TGFBR2: variants seen among roughly 807,000 people sequenced by gnomAD.
TGFBR2 encodes transforming growth factor beta receptor 2.
A neutral mutation model predicts 49.0 loss-of-function variants in TGFBR2; 18 were observed. That is an observed-to-expected ratio of 0.37 (90% CI 0.25 to 0.54). The LOEUF is 0.54. TGFBR2 is among the 20% of genes least tolerant of loss of function. The pLI is 0.85. For synonymous variants in TGFBR2, 282 were observed against 275.9 expected (o/e 1.02, Z -0.22); for missense variants, 525 against 722.6 (o/e 0.73, Z 3.13).
intron 1 of TGFBR2, 36 bp downstream of exon 1, chr3:30,607,013 G>A (rs1303362340): frequency 1.3e-6 from 2 of 1,537,470 alleles, no homozygotes; most frequent in East Asian, 2.4e-5. Context: ...GCGGGGCGCC[G>A]GGGGTCTTCC....
At chr3:30,648,763 C>T (rs1393348452) in intron 2 of TGFBR2, among the ~76,000 whole-genome samples, 1 of 152,120 alleles carries the variant, frequency 6.6e-6, no homozygotes, top group Non-Finnish European at 1.5e-5. Context: ...ACACATGTAC[C>T]TCCACTGGAG....
chr3:30,654,688 C>G (rs557024819), intron 3 of TGFBR2, among the ~76,000 whole-genome samples: 1 of 152,156 alleles, frequency 6.6e-6, no homozygotes, highest in Non-Finnish European at 1.5e-5. Flanking sequence ...TCAGACGAGA[C>G]CTGATGGGCA....
At chr3:30,664,177 T>C (rs1201410218) in intron 3 of TGFBR2, among the ~76,000 whole-genome samples, 1 of 149,142 alleles carries the variant, frequency 6.7e-6, no homozygotes, top group Non-Finnish European at 1.5e-5. Flanking sequence ...ACAGACAGGG[T>C]CTCAATATAT....
chr3:30,643,217 C>T (rs1053773747), intron 1 of TGFBR2, among the ~76,000 whole-genome samples: 1 of 152,188 alleles, frequency 6.6e-6, no homozygotes, highest in African/African-American at 2.4e-5. Context: ...TTTTCTTAGG[C>T]CTCTCTAAGG....
At chr3:30,641,001 T>G (rs1031703261) in intron 1 of TGFBR2, among the ~76,000 whole-genome samples, 2 of 152,208 alleles carry the variant, frequency 1.3e-5, no homozygotes, top group Non-Finnish European at 2.9e-5. Flanking sequence ...CATCTTTTCC[T>G]GTGGTTTGGA....
intron 2 of TGFBR2, among the ~76,000 whole-genome samples, chr3:30,648,805 G>T (rs112069770): frequency 1.7e-3 from 260 of 152,218 alleles, no homozygotes; most frequent in African/African-American, 5.9e-3. Context: ...GTTGACACTG[G>T]CACCATTCCT....
At chr3:30,619,201 ACCATT>A (rs1698185473) in intron 1 of TGFBR2, among the ~76,000 whole-genome samples, 1 of 152,174 alleles carries the variant, frequency 6.6e-6, no homozygotes, top group Non-Finnish European at 1.5e-5. Flanking sequence ...AAAATCTATA[ACCATT>A]TGGTTTTATT....
At position 30,650,392 on chromosome 3, in the gene TGFBR2, C is replaced by G. The variant is rs2125410429; in HGVS notation, c.386C>G (p.Pro129Arg). ...PKCIMKEKKK[P>R]GETFFMCSCS... ...TGCATTATGAAGGAAAAAAAAAAGC[C>G]TGGTGAGACTTTCTTCATGTGTTCC... is the stretch of plus-strand genomic sequence containing the variant. The change falls in exon 3 of 7, where the codon CCT becomes CGT. Residue 129 changes from proline (P) to arginine (R), a missense_variant. Pro to Arg is a moderately radical substitution (Grantham distance 103). Coordinates refer to ENST00000295754, the MANE Select transcript of TGFBR2 (RefSeq NM_003242.6). The G allele has an allele frequency of 6.2e-7, 1 of 1,614,014 alleles. No individual in the cohort carries two copies. Among genetic ancestry groups the G allele is most frequent in the Non-Finnish European group, 8.5e-7 (1 of 1,179,940 alleles).
chr3:30,642,320 G>A (rs557720377), intron 1 of TGFBR2, among the ~76,000 whole-genome samples: 1 of 151,898 alleles, frequency 6.6e-6, no homozygotes, highest in Admixed American at 6.6e-5. Context: ...GGAGTGGGGG[G>A]GTTGCTGTTT....
intron 1 of TGFBR2, among the ~76,000 whole-genome samples, chr3:30,607,787 T>TAAAAA (rs1282819756): frequency 3.9e-5 from 5 of 127,694 alleles, no homozygotes; most frequent in South Asian, 2.4e-4. Context: ...AAGGAAAAAA[T>TAAAAA]AAAAATAAAA....
chr3:30,652,229 G>GT lies in TGFBR2; in HGVS notation c.454+1771dup, dbSNP rs1204611735. 6.9e-3 allele frequency among the ~76,000 whole-genome samples: 564 copies of GT among 81,846 alleles called. 4 individuals carry two copies. Among genetic ancestry groups the GT allele is most frequent in the African/African-American group, 0.026 (532 of 20,374 alleles). 53.7% of individuals were successfully genotyped at this position (81,846 alleles called of 152,430 possible). ...TCCATTTCTCTCGTTTTCTTTTCTG[G>GT]TTGTTTTTTTTTTTTTTTTTTTTTT... On this transcript the variant is annotated intron_variant, in intron 3 of 6. Transcript: ENST00000295754.
intron 1 of TGFBR2, among the ~76,000 whole-genome samples, chr3:30,607,350 G>A (rs2125439373): frequency 6.6e-6 from 1 of 152,330 alleles, no homozygotes; most frequent in East Asian, 1.9e-4. Flanking sequence ...TGCCAAAGCA[G>A]CCAGCGCACC....
rs1699340601 is a variant in TGFBR2 at position 30,671,718 on chromosome 3, G to A, written c.535G>A (p.Ala179Thr). The A allele has an allele frequency of 6.2e-7, 1 of 1,614,202 alleles. No homozygotes were observed. Among genetic ancestry groups the A allele is most frequent in the Non-Finnish European group, 8.5e-7 (1 of 1,180,024 alleles). ...GISLLPPLGV[A>T]ISVIIIFYCY... is the part of the protein sequence containing the mutation. ...CAGCCTCCTGCCACCACTGGGAGTT[G>A]CCATATCTGTCATCATCATCTTCTA... The change falls in exon 4 of 7, where the codon GCC becomes ACC. Residue 179 changes from alanine (A) to threonine (T), a missense_variant. Transcript: ENST00000295754.
intron 1 of TGFBR2, among the ~76,000 whole-genome samples, chr3:30,636,397 G>A (rs1056538739): frequency 6.6e-6 from 1 of 151,970 alleles, no homozygotes; most frequent in African/African-American, 2.4e-5. Flanking sequence ...TTTATTTTCT[G>A]CCCACATGGT....
At chr3:30,621,276 T>A (rs1282122312) in intron 1 of TGFBR2, among the ~76,000 whole-genome samples, 1 of 84,194 alleles carries the variant, frequency 1.2e-5, no homozygotes, top group African/African-American at 5.1e-5. Flanking sequence ...AATTTTAATA[T>A]TCTTTTTTTT....
chr3:30,631,616 TC>T (rs1464216629), intron 1 of TGFBR2, among the ~76,000 whole-genome samples: 3 of 127,738 alleles, frequency 2.3e-5, no homozygotes, highest in Non-Finnish European at 3.1e-5. Context: ...ACTTGCAACT[TC>T]TTTCTTTTTT....
chr3:30,653,784 A>G (rs2125414204), intron 3 of TGFBR2, among the ~76,000 whole-genome samples: 1 of 152,330 alleles, frequency 6.6e-6, no homozygotes, highest in Middle Eastern at 3.4e-3. Context: ...TTCTAGTGCT[A>G]CTATTAATGA....
intron 1 of TGFBR2, among the ~76,000 whole-genome samples, chr3:30,610,773 T>C (rs547258981): frequency 6.6e-6 from 1 of 152,344 alleles, no homozygotes; most frequent in South Asian, 2.1e-4. Flanking sequence ...TATCAGCTTC[T>C]GTTATTACTA....
In TGFBR2 at chr3:30,693,644, C is replaced by A. The variant is rs996525456; in HGVS notation, c.*2045C>A. On this transcript the variant is annotated 3_prime_UTR_variant, in exon 7 of 7. Coordinates refer to ENST00000295754, the MANE Select transcript of TGFBR2 (RefSeq NM_003242.6). The stretch of plus-strand genomic sequence containing the variant: ...GTGTGGCTGCAGTAGCATAGAGGCG[C>A]CTAGAAATTCCACTTGCACCGTAGG... The A allele has an allele frequency of 2.1e-5, 5 of 233,420 alleles. No homozygotes were observed. In the Admixed American group the frequency reaches 2.8e-4, roughly 13 times the overall value. 14.5% of individuals were successfully genotyped at this position (233,420 alleles called of 1,614,324 possible). A position where few individuals can be genotyped will look rare whatever the true frequency, so the allele number is the denominator to read the frequency against.
Sources: gnomAD v4.1 joint callset for allele counts (sites outside exome capture counted in the v4.1 genomes callset) on GRCh38, gnomAD v4.1.1 for gene constraint, MANE v1.5 for transcripts, NCBI Gene and HGNC (gene_info 2026-07-23, HGNC 2026-07-21) for gene names.